The following NFATC1 variants were observed in gnomAD, a reference collection of about 807,000 sequenced individuals.
NFATC1 encodes nuclear factor of activated T cells 1.
In NFATC1, 22 loss-of-function variants were observed where a neutral mutation model predicts 76.0. The observed-to-expected ratio is 0.29, with a 90% CI of 0.21 to 0.41. The LOEUF is 0.41. Ranked by LOEUF, NFATC1 falls within the 10% of genes least tolerant of loss-of-function variation. The pLI is 1.00. For missense variants in NFATC1, 1,357 were observed against 1,337.7 expected (o/e 1.01, Z -0.23); for synonymous variants, 704 against 613.1 (o/e 1.15, Z -2.19).
intron 7 of NFATC1, among the ~76,000 whole-genome samples, chr18:79,464,581 C>T (rs2088335160): frequency 7.0e-6 from 1 of 143,156 alleles, no homozygotes. Flanking sequence ...CCATTTGCTG[C>T]TGTGTGTGGA....
chr18:79,402,392 C>T (rs996871380), intron 1 of NFATC1: 2 of 985,198 alleles, frequency 2.0e-6, no homozygotes, highest in Non-Finnish European at 2.4e-6. Flanking sequence ...GTTCAGGACA[C>T]AGTCCTCCCC....
intron 1 of NFATC1, among the ~76,000 whole-genome samples, chr18:79,399,517 C>T (rs1273098942): frequency 6.6e-6 from 1 of 152,382 alleles, no homozygotes; most frequent in East Asian, 1.9e-4. Context: ...AGTTAGAACA[C>T]GCGGCGGGAG....
chr18:79,518,451 T>C (rs2090437157), intron 9 of NFATC1, among the ~76,000 whole-genome samples: 1 of 152,152 alleles, frequency 6.6e-6, no homozygotes, highest in Non-Finnish European at 1.5e-5. Flanking sequence ...TGCCTGCTTG[T>C]GTTCTGATGG....
At chr18:79,489,003 G>A (rs2089601433) in intron 9 of NFATC1, among the ~76,000 whole-genome samples, 1 of 152,218 alleles carries the variant, frequency 6.6e-6, no homozygotes, top group Non-Finnish European at 1.5e-5. Context: ...GACGTGTTCT[G>A]CGTCAACACA....
In NFATC1 at chr18:79,465,563, A is replaced by T. The variant is rs2088439882; in HGVS notation, c.1960-1887A>T. The stretch of plus-strand genomic sequence containing the variant: ...CCCACAGGGTCCCCGCCTCCACCCC[A>T]GCCTGTCCCGTGGGGTCCCCGCCTC... On this transcript the variant is annotated intron_variant, in intron 7 of 9. Coordinates refer to ENST00000427363, the MANE Select transcript of NFATC1 (RefSeq NM_001278669.2). The surrounding 1 kb of genome is among the most constrained non-coding windows in gnomAD (Gnocchi z 4.2). Among the ~76,000 whole-genome samples, 1 of 151,402 alleles carries T rather than the reference A, an allele frequency of 6.6e-6. No homozygotes were observed. Among genetic ancestry groups the T allele is most frequent in the Non-Finnish European group, 1.5e-5 (1 of 67,844 alleles).
In NFATC1 at chr18:79,396,308, G is replaced by A. The variant is rs1271218710; in HGVS notation, c.84G>A (p.Gly28=). 7.0e-7 allele frequency: 1 copy of A among 1,426,802 alleles called. No homozygotes were observed. 88.4% of individuals were successfully genotyped at this position (1,426,802 alleles called of 1,614,324 possible). ...AAVFGRGETL[G]PAPRAGGTMK... ...TCTTCGGGAGAGGAGAAACTTTGGG[G>A]CCCGCGCCGCGCGCCGGCGGCACCA... The change falls in exon 1 of 10, where the codon GGG becomes GGA. Residue 28 remains glycine, a synonymous_variant. Coordinates refer to ENST00000427363, the MANE Select transcript of NFATC1 (RefSeq NM_001278669.2).
intron 2 of NFATC1, among the ~76,000 whole-genome samples, chr18:79,427,422 C>G (rs1190439000): frequency 1.6e-3 from 43 of 27,420 alleles, no homozygotes; most frequent in Admixed American, 2.7e-3. Flanking sequence ...GGCCTCTGTG[C>G]GGTGGGTGGG....
At chr18:79,453,435 G>A (rs748805129) in intron 6 of NFATC1, among the ~76,000 whole-genome samples, 1 of 152,262 alleles carries the variant, frequency 6.6e-6, no homozygotes, top group Admixed American at 6.5e-5. Context: ...GCCTGCGAGG[G>A]CCAGGAGCCA....
rs1160181980 is a variant in NFATC1, at chr18:79,483,572, C to T, written c.2093-2676C>T. 4.4e-5 allele frequency among the ~76,000 whole-genome samples: 6 copies of T among 137,534 alleles called. 1 individual carries two copies. The highest frequency in any genetic ancestry group is 8.6e-5 in the African/African-American group (3 of 34,774). 90.2% of individuals were successfully genotyped at this position (137,534 alleles called of 152,430 possible). On this transcript the variant is annotated intron_variant, in intron 8 of 9. Coordinates refer to ENST00000427363, the MANE Select transcript of NFATC1 (RefSeq NM_001278669.2). ...GTGACCTGGTCCTGGGGTGTCACTCCGGCGTGACCTGGTTCCTGGGGCGTC... is the reference window on the plus strand; with the variant it reads ...GTGACCTGGTCCTGGGGTGTCACTCTGGCGTGACCTGGTTCCTGGGGCGTC...
intron 6 of NFATC1, 125 bp from the exon 7 acceptor site, chr18:79,461,186 C>T (rs555922680): frequency 4.5e-5 from 48 of 1,062,476 alleles, no homozygotes; most frequent in Admixed American, 7.8e-5. Context: ...GATGGGCCTA[C>T]GTGGGTCTCC....
rs1362827694 is a variant in NFATC1 at position 79,467,520 on chromosome 18, A to G, written c.2030A>G (p.Tyr677Cys). ...ACCAGCCCCGTTCACGTCAGTTTCT[A>G]CGTCTGCAACGGGAAGAGAAAGCGA... ...RITSPVHVSF[Y>C]VCNGKRKRSQ... Residue 677 changes from tyrosine to cysteine, a missense_variant, in exon 8 of 10, where the codon TAC becomes TGC. Tyr to Cys is a radical substitution (Grantham distance 194). Around this residue, in one of 3 missense-constraint regions of NFATC1, gnomAD observed 424 missense variants for 395.4 expected, o/e 1.07. Transcript: ENST00000427363. 1.9e-6 allele frequency: 3 copies of G among 1,613,714 alleles called. No homozygotes were observed. Among genetic ancestry groups the G allele is most frequent in the African/African-American group, 2.7e-5 (2 of 74,866 alleles).
At chr18:79,520,152 C>T (rs2090480018) in intron 9 of NFATC1, among the ~76,000 whole-genome samples, 2 of 152,198 alleles carry the variant, frequency 1.3e-5, no homozygotes, top group Non-Finnish European at 2.9e-5. Flanking sequence ...TGACGGAGCC[C>T]ATCAGGCGAC....
At chr18:79,405,167 C>T (rs1481222540) in intron 1 of NFATC1, among the ~76,000 whole-genome samples, 1 of 152,198 alleles carries the variant, frequency 6.6e-6, no homozygotes, top group African/African-American at 2.4e-5. Context: ...GATCAGGGGA[C>T]TCAAAAGTGA....
chr18:79,445,535 A>G (rs8096731), intron 3 of NFATC1, among the ~76,000 whole-genome samples: 21,158 of 152,210 alleles, frequency 0.14, 2,140 homozygotes, highest in African/African-American at 0.28. Context: ...AGGGCTGAGA[A>G]GAGGACCCTA....
At chr18:79,503,943 T>C (rs1437948421) in intron 9 of NFATC1, among the ~76,000 whole-genome samples, 2 of 152,206 alleles carry the variant, frequency 1.3e-5, no homozygotes. Flanking sequence ...CTCTGCTGGC[T>C]TCAAACTTTT....
chr18:79,510,208 G>A (rs549668286), intron 9 of NFATC1, among the ~76,000 whole-genome samples: 3 of 152,316 alleles, frequency 2.0e-5, no homozygotes, highest in Admixed American at 6.5e-5. Flanking sequence ...GATGGGAGCC[G>A]CAGCCGTGGT....
intron 9 of NFATC1, among the ~76,000 whole-genome samples, chr18:79,495,145 C>T (rs933756372): frequency 6.6e-6 from 1 of 152,254 alleles, no homozygotes; most frequent in Non-Finnish European, 1.5e-5. Context: ...GGGCTGTGCA[C>T]ATCCCGTGTG....
intron 9 of NFATC1, among the ~76,000 whole-genome samples, chr18:79,504,464 A>G (rs1433373135): frequency 6.6e-6 from 1 of 152,190 alleles, no homozygotes; most frequent in Admixed American, 6.5e-5. Flanking sequence ...TTATCCATTC[A>G]CTTCATCTTA....
chr18:79,490,156 C>T (rs1371975803), intron 9 of NFATC1, among the ~76,000 whole-genome samples: 1 of 152,100 alleles, frequency 6.6e-6, no homozygotes, highest in Non-Finnish European at 1.5e-5. Flanking sequence ...GCAGGCGGGG[C>T]GCATGGCAGA....
Sources: gnomAD v4.1 joint callset for allele counts (sites outside exome capture counted in the v4.1 genomes callset) on GRCh38, gnomAD v4.1.1 for gene constraint, gnomAD v4.1.1 regional missense constraint, Gnocchi (gnomAD v3.1) non-coding constraint, MANE v1.5 for transcripts, NCBI Gene and HGNC (gene_info 2026-07-23, HGNC 2026-07-21) for gene names.